Variants in CPVL observed in about 807,000 individuals in gnomAD.
CPVL encodes the protein carboxypeptidase vitellogenic like.
Under a neutral mutation model 63.7 loss-of-function variants are expected in CPVL, and 51 were observed. The ratio of observed to expected loss-of-function variants is 0.80; its 90% CI spans 0.64 to 1.01. The LOEUF (loss-of-function observed/expected upper bound fraction) is 1.01. Among genes scored for constraint, CPVL ranks in the 50% least tolerant of loss-of-function variants. The pLI is 0.00. For synonymous variants in CPVL, 195 were observed against 206.0 expected, an observed-to-expected ratio of 0.95 and a Z score of 0.46; for missense variants, 530 against 573.1, an observed-to-expected ratio of 0.92 and a Z score of 0.77.
intron 2 of CPVL, among the ~76,000 whole-genome samples, chr7:29,119,628 T>C (rs1484788110): frequency 6.6e-6 from 1 of 152,038 alleles, no homozygotes; most frequent in East Asian, 1.9e-4. Flanking sequence ...CAAACACTCA[T>C]ATTTGGAGAA....
At chr7:29,079,163 C>A (rs1277703141) in intron 7 of CPVL, among the ~76,000 whole-genome samples, 1 of 152,162 alleles carries the variant, frequency 6.6e-6, no homozygotes, top group Non-Finnish European at 1.5e-5. Context: ...TAGAGAACTT[C>A]TTTTCTGTTT....
At position 29,092,260 on chromosome 7, in the gene CPVL, G is replaced by C. The variant is rs1314156251; in HGVS notation, c.542+363C>G. ...TAGAGACTAACAAGCTAAGTTTTCA[G>C]CCTGGAAAAGTCATGAAATAGAAGC... On this transcript the variant is annotated intron_variant, in intron 6 of 12. Coordinates refer to ENST00000265394, the MANE Select transcript of CPVL (RefSeq NM_031311.5). 2.0e-5 allele frequency among the ~76,000 whole-genome samples: 3 copies of C among 149,960 alleles called. No homozygotes were observed. The South Asian group carries it at 6.3e-4, about 32-fold the overall frequency.
At chr7:29,051,034 T>C (rs966128404) in intron 11 of CPVL, among the ~76,000 whole-genome samples, 7 of 152,168 alleles carry the variant, frequency 4.6e-5, no homozygotes, top group Non-Finnish European at 1.0e-4. Flanking sequence ...GGTGCTGGGA[T>C]AATTGGCTAG....
At chr7:29,018,542 C>T (rs1786645753) in intron 12 of CPVL, among the ~76,000 whole-genome samples, 1 of 151,912 alleles carries the variant, frequency 6.6e-6, no homozygotes, top group Non-Finnish European at 1.5e-5. Flanking sequence ...CCATGCCTGG[C>T]TAATTTTTGT....
chr7:29,121,700 T>C (rs540018144), intron 1 of CPVL, among the ~76,000 whole-genome samples: 1 of 152,130 alleles, frequency 6.6e-6, no homozygotes, highest in South Asian at 2.1e-4. Context: ...GCATCATGGG[T>C]GGGTGGAAAC....
rs1554338498 is a variant in CPVL at position 29,095,153 on chromosome 7, AAAG to A, written c.404-14_404-12del. On this transcript the variant is annotated splice_polypyrimidine_tract_variant and intron_variant, in intron 4 of 12. Transcript: ENST00000265394. ...AGTCTCTGTCACGCACTGTGAAAAC[AAAG>A]AAGAGGGGTGAGATAGAGTCGTGGA... 3 of 1,612,498 alleles carry A rather than the reference AAAG, an allele frequency of 1.9e-6. No homozygotes were observed. Among genetic ancestry groups the A allele is most frequent in the African/African-American group, 1.3e-5 (1 of 74,856 alleles).
At chr7:29,137,720 TCTCA>T (rs764645978) in intron 1 of CPVL, among the ~76,000 whole-genome samples, 103 of 152,342 alleles carry the variant, frequency 6.8e-4, no homozygotes, top group Non-Finnish European at 1.4e-3. Context: ...ACTCCTGTAC[TCTCA>T]CTATCTGCCC....
chr7:29,090,523 A>G (rs1229447069), intron 6 of CPVL, among the ~76,000 whole-genome samples: 1 of 152,184 alleles, frequency 6.6e-6, no homozygotes, highest in Non-Finnish European at 1.5e-5. Flanking sequence ...GAAAATAACT[A>G]TAGGTCCACC....
At chr7:29,069,440 CAAAA>C (rs34421309) in intron 9 of CPVL, among the ~76,000 whole-genome samples, 5 of 81,162 alleles carry the variant, frequency 6.2e-5, no homozygotes, top group African/African-American at 8.8e-5. Context: ...GACTCCGTCT[CAAAA>C]AAAAAAAAAA....
intron 7 of CPVL, among the ~76,000 whole-genome samples, chr7:29,077,766 C>T (rs1029005975): frequency 2.0e-4 from 30 of 152,200 alleles, no homozygotes; most frequent in Middle Eastern, 3.4e-3. Flanking sequence ...GGGAGAAGAC[C>T]AGAGGGAAGA....
intron 11 of CPVL, among the ~76,000 whole-genome samples, chr7:29,037,155 T>A (rs1238607749): frequency 1.3e-5 from 2 of 152,202 alleles, no homozygotes; most frequent in Non-Finnish European, 2.9e-5. Flanking sequence ...ATAAACTCTA[T>A]GGCTGGGTTT....
chr7:29,027,559 C>T (rs1043177863), intron 12 of CPVL, among the ~76,000 whole-genome samples: 26 of 152,046 alleles, frequency 1.7e-4, no homozygotes, highest in Admixed American at 9.8e-4. Flanking sequence ...GCAGCTGACA[C>T]GATCTTTTAT....
At chr7:29,088,597 CTCT>C (rs781221582) in intron 6 of CPVL, among the ~76,000 whole-genome samples, 1 of 152,172 alleles carries the variant, frequency 6.6e-6, no homozygotes, top group African/African-American at 2.4e-5. Flanking sequence ...TAGTCAAGAA[CTCT>C]TCTTATTACA....
In CPVL at chr7:29,063,986, G is replaced by A. The variant is rs1466828979; in HGVS notation, c.1137+75C>T. 1.7e-5 allele frequency: 16 copies of A among 946,536 alleles called. No homozygotes were observed. The East Asian group carries it at 3.4e-4, about 20-fold the overall frequency. The allele number at this position is 946,536 out of a possible 1,614,324, so 58.6% of individuals were successfully genotyped here. A position where few individuals can be genotyped will look rare whatever the true frequency, so the allele number is the denominator to read the frequency against. ...AAAGTTAAAAAAAAAAAAAAGGCAG[G>A]ACTCAAATTACAAATCACTTCTGCT... On this transcript the variant is annotated intron_variant, in intron 11 of 12. Coordinates refer to ENST00000265394, the MANE Select transcript of CPVL (RefSeq NM_031311.5).
chr7:29,089,915 T>C (rs1226995914), intron 6 of CPVL, among the ~76,000 whole-genome samples: 2 of 151,456 alleles, frequency 1.3e-5, no homozygotes, highest in Admixed American at 6.6e-5. Flanking sequence ...CAGGCTGCAG[T>C]GCAGTGGTGT....
At chr7:29,154,169 G>A (rs1377219560) in intron 5 of CPVL, among the ~76,000 whole-genome samples, 2 of 152,138 alleles carry the variant, frequency 1.3e-5, no homozygotes, top group Non-Finnish European at 2.9e-5. Context: ...TTGCCCCTGG[G>A]GAGGAGGGTG....
At chr7:29,071,388 A>T (rs569284940) in intron 9 of CPVL, among the ~76,000 whole-genome samples, 2 of 152,162 alleles carry the variant, frequency 1.3e-5, no homozygotes, top group Admixed American at 1.3e-4. Context: ...TGGATATAAA[A>T]CTCTTCTACA....
chr7:29,037,635 T>C (rs994729818), intron 11 of CPVL, among the ~76,000 whole-genome samples: 2 of 150,376 alleles, frequency 1.3e-5, no homozygotes, highest in Admixed American at 6.6e-5. Flanking sequence ...ATGTGAAGCA[T>C]GATAAAGTAC....
At chr7:29,177,536 G>C (rs75816476) in intron 5 of CPVL, among the ~76,000 whole-genome samples, 17,829 of 150,604 alleles carry the variant, frequency 0.12, 1,231 homozygotes, top group African/African-American at 0.18. Context: ...TTACAGGCAT[G>C]ACCCACCGTG....
Sources: allele counts gnomAD v4.1 joint callset (sites outside exome capture counted in the v4.1 genomes callset), GRCh38; gene constraint gnomAD v4.1.1; transcripts MANE v1.5; gene names NCBI Gene and HGNC (gene_info 2026-07-23, HGNC 2026-07-21).